The following MYO3A variants were observed in gnomAD, a reference collection of about 807,000 sequenced individuals.
The protein encoded by MYO3A is myosin IIIA.
Under a neutral mutation model 192.7 loss-of-function variants are expected in MYO3A, and 180 were observed. The observed-to-expected ratio is 0.93, with a 90% CI of 0.83 to 1.06. The LOEUF is 1.06. Ranked by LOEUF, MYO3A falls within the 50% of genes least tolerant of loss-of-function variation. The pLI, the probability that MYO3A is intolerant of heterozygous loss-of-function variation, is 0.00. For missense variants in MYO3A, 1,896 were observed against 1,905.0 expected (o/e 1.00, Z 0.09); for synonymous variants, 628 against 645.3 (o/e 0.97, Z 0.41).
rs532812375 is a variant in MYO3A at position 26,157,646 on chromosome 10, A to G, written c.2999+131A>G. On this transcript the variant is annotated intron_variant, in intron 26 of 34. Coordinates refer to ENST00000642920, the MANE Select transcript of MYO3A (RefSeq NM_017433.5). The stretch of plus-strand genomic sequence containing the variant: ...AGGCATTTTGTTCATGCAAATGATT[A>G]TGTGTTGAAAAAAGAAGATAGCTAT... 22 of 978,198 alleles carry G rather than the reference A, an allele frequency of 2.2e-5. 1 individual carries two copies. The East Asian group carries it at 5.3e-4, about 23-fold the overall frequency. 60.6% of individuals were successfully genotyped at this position (978,198 alleles called of 1,614,324 possible). A position where few individuals can be genotyped will look rare whatever the true frequency, so the allele number is the denominator to read the frequency against.
intron 17 of MYO3A, among the ~76,000 whole-genome samples, chr10:26,114,645 C>T (rs1011538483): frequency 1.3e-5 from 2 of 152,040 alleles, no homozygotes; most frequent in African/African-American, 4.8e-5. Flanking sequence ...AGACATAAAA[C>T]AAATAAGAAA....
At chr10:25,958,387 G>A (rs573230915) in intron 4 of MYO3A, among the ~76,000 whole-genome samples, 106 of 152,276 alleles carry the variant, frequency 7.0e-4, no homozygotes, top group Middle Eastern at 3.4e-3. Flanking sequence ...CTTTGTCAAA[G>A]TTCAGATAGT....
chr10:26,197,197 G>A (rs1170142717), intron 32 of MYO3A, among the ~76,000 whole-genome samples: 1 of 152,174 alleles, frequency 6.6e-6, no homozygotes, highest in Non-Finnish European at 1.5e-5. Context: ...ATTCAGGCCA[G>A]GGATTTATAT....
intron 27 of MYO3A, 58 bp downstream of exon 27, chr10:26,166,236 T>C: frequency 7.4e-7 from 1 of 1,345,694 alleles, no homozygotes; most frequent in Non-Finnish European, 1.1e-6. Flanking sequence ...TCACTGAGAA[T>C]TGTAACATTT....
intron 2 of MYO3A, among the ~76,000 whole-genome samples, chr10:25,945,224 G>T (rs1469131911): frequency 2.0e-5 from 3 of 150,206 alleles, no homozygotes; most frequent in African/African-American, 5.0e-5. Context: ...TGATCATAAA[G>T]GATATTTAGC....
chr10:26,150,029 C>CGTGTGTGTGTGTGT (rs35589117), intron 23 of MYO3A, among the ~76,000 whole-genome samples: 1 of 149,398 alleles, frequency 6.7e-6, no homozygotes, highest in Admixed American at 6.7e-5. Flanking sequence ...GAATAGTATT[C>CGTGTGTGTGTGTGT]GTGTGTGTGT....
intron 7 of MYO3A, among the ~76,000 whole-genome samples, chr10:26,019,795 TTGA>T (rs1842207442): frequency 6.6e-6 from 1 of 152,232 alleles, no homozygotes; most frequent in Non-Finnish European, 1.5e-5. Flanking sequence ...CATTTGTCAG[TTGA>T]TGAACATTTG....
intron 4 of MYO3A, among the ~76,000 whole-genome samples, chr10:25,969,112 A>G (rs1838454827): frequency 1.3e-5 from 2 of 151,994 alleles, no homozygotes; most frequent in South Asian, 2.1e-4. Context: ...GGTGGCGTGC[A>G]CCTGTAGTCC....
Position 26,120,698 on chromosome 10 carries a change from T to C in MYO3A, c.1799T>C (p.Ile600Thr). ...CAGCAACTTGGTAGTATATACAGCA[T>C]ACTCGCTGCAATCTTGAATGTTGGC... ...TMEQLGSIYS[I>T]LAAILNVGNI... Residue 600 changes from isoleucine (I) to threonine (T), a missense_variant, in exon 18 of 35, where the codon ATA becomes ACA. Coordinates refer to ENST00000642920, the MANE Select transcript of MYO3A (RefSeq NM_017433.5). 1 of 1,614,110 alleles carries C rather than the reference T, an allele frequency of 6.2e-7. No homozygotes were observed. Among genetic ancestry groups the C allele is most frequent in the Admixed American group, 1.7e-5 (1 of 60,030 alleles).
Position 26,170,474 on chromosome 10 carries a change from A to G in MYO3A, c.3333A>G (p.Thr1111=), listed in dbSNP as rs1156270176. The G allele has an allele frequency of 1.2e-6, 2 of 1,613,444 alleles. No individual in the cohort carries two copies. Among genetic ancestry groups the G allele is most frequent in the Admixed American group, 1.7e-5 (1 of 59,994 alleles). Residue 1111 remains threonine, a synonymous_variant, in exon 29 of 35, where the codon ACA becomes ACG. Transcript: ENST00000642920. ...AAGAAATTGTTGACATGAAAAACAC[A>G]GCAGTAACAACCATTCAAACTTCTG... is the stretch of plus-strand genomic sequence containing the variant. ...QRKEIVDMKN[T]AVTTIQTSDQ...
intron 9 of MYO3A, among the ~76,000 whole-genome samples, chr10:26,025,452 C>T (rs149469129): frequency 9.2e-5 from 14 of 152,068 alleles, no homozygotes; most frequent in Non-Finnish European, 1.5e-4. Context: ...AGGTTAAATC[C>T]TTCTCAAACA....
intron 4 of MYO3A, among the ~76,000 whole-genome samples, chr10:25,976,597 C>T (rs1000129404): frequency 6.6e-6 from 1 of 151,988 alleles, no homozygotes; most frequent in Admixed American, 6.6e-5. Context: ...TAATATTATA[C>T]CTTTTGATTT....
intron 21 of MYO3A, among the ~76,000 whole-genome samples, chr10:26,144,681 G>C (rs989907332): frequency 1.3e-5 from 2 of 152,114 alleles, no homozygotes; most frequent in Non-Finnish European, 2.9e-5. Context: ...TTAGGCTCAT[G>C]GCTTGACATC....
At chr10:26,160,587 G>A (rs756537193) in intron 26 of MYO3A, among the ~76,000 whole-genome samples, 4 of 152,080 alleles carry the variant, frequency 2.6e-5, no homozygotes, top group Non-Finnish European at 5.9e-5. Flanking sequence ...CAAGGTTACA[G>A]GAGGCTATGT....
At chr10:26,139,240 T>A (rs7082557) in intron 20 of MYO3A, among the ~76,000 whole-genome samples, 14,819 of 152,026 alleles carry the variant, frequency 0.097, 794 homozygotes, top group Non-Finnish European at 0.12. Context: ...AGATTAAAAA[T>A]ATATATATTT....
At chr10:26,008,404 G>A (rs1841382622) in intron 6 of MYO3A, among the ~76,000 whole-genome samples, 1 of 148,670 alleles carries the variant, frequency 6.7e-6, no homozygotes, top group African/African-American at 2.6e-5. Flanking sequence ...AAACTAAAGA[G>A]CTTCTGCACA....
chr10:26,190,015 A>C (rs1283399252), intron 31 of MYO3A, among the ~76,000 whole-genome samples: 1 of 152,166 alleles, frequency 6.6e-6, no homozygotes, highest in Non-Finnish European at 1.5e-5. Flanking sequence ...GTGAGCCAAA[A>C]TTGCACCATT....
rs537755838 is a variant in MYO3A at position 26,123,913 on chromosome 10, A to G, written c.1904-1485A>G. On this transcript the variant is annotated intron_variant, in intron 18 of 34. Coordinates refer to ENST00000642920, the MANE Select transcript of MYO3A (RefSeq NM_017433.5). The stretch of plus-strand genomic sequence containing the variant: ...TATACTCCAGCCTGGGTGACAGAGC[A>G]AGACTCCATCTAAAACAAAAAACAA... Among the ~76,000 whole-genome samples, 16 of 144,420 alleles carry G rather than the reference A, an allele frequency of 1.1e-4. No individual in the cohort carries two copies. The South Asian group carries it at 3.2e-3, about 29-fold the overall frequency. The allele number at this position is 144,420 out of a possible 152,430, so 94.7% of individuals were successfully genotyped here.
intron 23 of MYO3A, among the ~76,000 whole-genome samples, chr10:26,149,047 A>G (rs1455622580): frequency 1.3e-5 from 2 of 151,302 alleles, no homozygotes; most frequent in African/African-American, 2.4e-5. Context: ...AAGAGTGAAC[A>G]CTCTTGCCTT....
Sources: gnomAD v4.1 joint callset for allele counts (sites outside exome capture counted in the v4.1 genomes callset) on GRCh38, gnomAD v4.1.1 for gene constraint, MANE v1.5 for transcripts, NCBI Gene and HGNC (gene_info 2026-07-23, HGNC 2026-07-21) for gene names.